The following XIST variants were observed in gnomAD, a reference collection of about 807,000 sequenced individuals.
XIST encodes the protein X inactive specific transcript (non-protein coding).
chrX:73,842,328 G>T, exon 1 of XIST: 1 of 554,545 alleles, frequency 1.8e-6, no homozygotes, highest in East Asian at 3.3e-5. Flanking sequence ...TCCTTCCTGG[G>T]GAGACAATTT....
exon 1 of XIST, chrX:73,850,326 AT>A: frequency 1.8e-6 from 1 of 546,043 alleles, no homozygotes; most frequent in Non-Finnish European, 3.3e-6. Context: ...ACTTTAAGGA[AT>A]TTTAAGGAAC....
At chrX:73,840,216 G>C (rs778002905) in intron 1 of XIST, among the ~76,000 whole-genome samples, 3 of 111,469 alleles carry the variant, frequency 2.7e-5, no homozygotes, top group Non-Finnish European at 5.7e-5. Flanking sequence ...ACTTGGGTTT[G>C]AGAAACAATG....
chrX:73,830,138 G>A (rs1433146414), intron 4 of XIST, among the ~76,000 whole-genome samples: 1 of 109,404 alleles, frequency 9.1e-6, no homozygotes, highest in South Asian at 3.9e-4. Flanking sequence ...CAAAAAAAAA[G>A]AAGAAGAAGA....
intron 3 of XIST, chrX:73,831,444 CAAA>C (rs5902721): frequency 1.2e-4 from 30 of 250,695 alleles, no homozygotes; most frequent in South Asian, 2.4e-4. Flanking sequence ...ACCAACTTAG[CAAA>C]AAAAAAAAAA....
rs369779257 is a variant in XIST, at chrX:73,846,860, C to A, written n.5864G>T. The A allele has an allele frequency of 5.4e-6, 3 of 557,460 alleles. No homozygotes were observed. In the African/African-American group the frequency reaches 6.7e-5, roughly 12 times the overall value. The allele number at this position is 557,460 out of a possible 1,213,427, so 45.9% of individuals were successfully genotyped here. ...AGAAAGGGGCCTTAAGTGAATAGTA[C>A]CCCATGCAATAAAGCAAAGAGGGTG... On this transcript the variant is annotated non_coding_transcript_exon_variant, in exon 1 of 6. Transcript: ENST00000429829.
At chrX:73,821,574 A>G in exon 6 of XIST, 1 of 558,102 alleles carries the variant, frequency 1.8e-6, no homozygotes, top group Non-Finnish European at 3.2e-6. Context: ...TTGGAACTGC[A>G]TGAAACTGAA....
chrX:73,840,433 C>A (rs772070858), intron 1 of XIST, among the ~76,000 whole-genome samples: 1 of 110,940 alleles, frequency 9.0e-6, no homozygotes, highest in Admixed American at 9.6e-5. Context: ...TGAATGTGCA[C>A]CAGAAAAAAA....
chrX:73,844,687 C>T, exon 1 of XIST: 1 of 558,197 alleles, frequency 1.8e-6, no homozygotes, highest in Non-Finnish European at 3.2e-6. Flanking sequence ...TACACAGAAA[C>T]CTGGACAAAT....
At chrX:73,833,443 C>T in intron 2 of XIST, 1 of 489,572 alleles carries the variant, frequency 2.0e-6, no homozygotes, top group South Asian at 3.1e-5. Flanking sequence ...GTTACAAAAA[C>T]CCCAATGAAA....
chrX:73,844,640 G>A (rs201640123), exon 1 of XIST: 51 of 557,149 alleles, frequency 9.2e-5, no homozygotes, highest in Non-Finnish European at 1.2e-4. Context: ...AAGATTATGC[G>A]TAGATGGGAT....
exon 6 of XIST, chrX:73,823,367 A>G: frequency 2.0e-6 from 1 of 498,735 alleles, no homozygotes; most frequent in South Asian, 2.6e-5. Context: ...GGCCAGACCT[A>G]TTTAATTTAC....
At chrX:73,834,556 G>T (rs959044888) in intron 2 of XIST, among the ~76,000 whole-genome samples, 5 of 112,424 alleles carry the variant, frequency 4.4e-5, no homozygotes, top group African/African-American at 1.6e-4. Context: ...TCACTGACAA[G>T]AATTTTGAGA....
At chrX:73,821,713 G>T (rs766656111) in exon 6 of XIST, 3 of 534,039 alleles carry the variant, frequency 5.6e-6, no homozygotes, top group Non-Finnish European at 1.0e-5. Context: ...ATTTAAAAAC[G>T]GAAAAGGTCA....
At position 73,831,171 on chromosome X, in the gene XIST, C is replaced by T. The variant is rs766700094; in HGVS notation, n.11647G>A. 16 of 556,878 alleles carry T rather than the reference C, an allele frequency of 2.9e-5. No individual in the cohort carries two copies. The South Asian group carries it at 3.2e-4, about 11-fold the overall frequency. The allele number at this position is 556,878 out of a possible 1,213,427, so 45.9% of individuals were successfully genotyped here. A position where few individuals can be genotyped will look rare whatever the true frequency, so the allele number is the denominator to read the frequency against. On this transcript the variant is annotated non_coding_transcript_exon_variant, in exon 4 of 6. Coordinates refer to ENST00000429829, the Ensembl canonical transcript of XIST. Reference sequence around the variant, plus strand: ...AGGGTTGTTGCCCAGTGGTAGTGAGCTTTTCCCCTGGAGGATCCTCATGCC... The same window carrying T: ...AGGGTTGTTGCCCAGTGGTAGTGAGTTTTTCCCCTGGAGGATCCTCATGCC...
At chrX:73,831,039 T>C (rs777467672) in intron 4 of XIST, 11 of 551,387 alleles carry the variant, frequency 2.0e-5, no homozygotes, top group Non-Finnish European at 2.9e-5. Flanking sequence ...AGACTACTTA[T>C]TATGCTTTTA....
At chrX:73,827,593 C>T in exon 6 of XIST, 1 of 546,511 alleles carries the variant, frequency 1.8e-6, no homozygotes, top group Non-Finnish European at 3.3e-6. Context: ...AGGCCAGACT[C>T]AGAAAAAAGG....
At chrX:73,834,321 A>G (rs1271177033) in intron 2 of XIST, among the ~76,000 whole-genome samples, 1 of 112,842 alleles carries the variant, frequency 8.9e-6, no homozygotes, top group Non-Finnish European at 1.9e-5. Context: ...CAGTCTCCCC[A>G]AGTCTTCTTA....
At chrX:73,824,784 T>A (rs1284346870) in exon 6 of XIST, 4 of 557,189 alleles carry the variant, frequency 7.2e-6, no homozygotes, top group Non-Finnish European at 1.3e-5. Context: ...CCTGGTTACC[T>A]GGAAAAATGT....
chrX:73,823,069 C>T, exon 6 of XIST: 2 of 552,256 alleles, frequency 3.6e-6, no homozygotes, highest in Non-Finnish European at 3.3e-6. Flanking sequence ...TTTTATTGCT[C>T]ATATGTCTTC....
Sources: allele counts gnomAD v4.1 joint callset (sites outside exome capture counted in the v4.1 genomes callset), GRCh38; gene constraint gnomAD v4.1.1; transcripts MANE v1.5; gene names NCBI Gene and HGNC (gene_info 2026-07-23, HGNC 2026-07-21).